WASHC5: variants seen among roughly 807,000 people sequenced by gnomAD.
WASHC5 encodes the protein WASH complex subunit 5.
WASHC5 carries 101 observed loss-of-function variants against 150.4 expected under a neutral mutation model. The ratio of observed to expected loss-of-function variants is 0.67; its 90% CI spans 0.57 to 0.79. WASHC5 has a LOEUF of 0.79. WASHC5 is among the 30% of genes least tolerant of loss of function. The probability of loss-of-function intolerance (pLI) is 0.00; values close to 1 mark genes in which losing one functional copy is unlikely to be tolerated. For synonymous variants in WASHC5, 467 were observed against 491.2 expected (o/e 0.95, Z 0.65); for missense variants, 1,195 against 1,396.3 (o/e 0.86, Z 2.30).
chr8:125,065,613 T>C (rs989889541), intron 10 of WASHC5, among the ~76,000 whole-genome samples: 1 of 150,646 alleles, frequency 6.6e-6, no homozygotes, highest in African/African-American at 2.5e-5. Context: ...GGCATTTCTT[T>C]CATTCCTTTT....
intron 17 of WASHC5, among the ~76,000 whole-genome samples, chr8:125,053,816 A>G (rs982613686): frequency 6.6e-6 from 1 of 152,226 alleles, no homozygotes; most frequent in South Asian, 2.1e-4. Flanking sequence ...GCTACTCACC[A>G]TAACATTCCA....
intron 5 of WASHC5, among the ~76,000 whole-genome samples, chr8:125,081,139 A>G (rs1817246736): frequency 6.6e-6 from 1 of 151,992 alleles, no homozygotes; most frequent in Admixed American, 6.6e-5. Context: ...TATATAGAAT[A>G]CTTGATATGT....
rs117747858 is a variant in WASHC5, at chr8:125,075,305, T to C, written c.865-194A>G. ...GTTCCTGATTGTTAATTCACGTTAA[T>C]AGGTATAAAGATCTCTTTACACCTA... On this transcript the variant is annotated intron_variant, in intron 7 of 28. Transcript: ENST00000318410. Among the ~76,000 whole-genome samples, 1,207 of 152,296 alleles carry C rather than the reference T, an allele frequency of 7.9e-3. 9 individuals carry two copies. Among genetic ancestry groups the C allele is most frequent in the Non-Finnish European group, 8.7e-3 (591 of 67,998 alleles).
chr8:125,051,067 T>A (rs777892131), intron 17 of WASHC5, among the ~76,000 whole-genome samples: 2 of 152,206 alleles, frequency 1.3e-5, no homozygotes, highest in Non-Finnish European at 2.9e-5. Flanking sequence ...CAGATGCATG[T>A]TCTTCCTTTA....
intron 10 of WASHC5, among the ~76,000 whole-genome samples, chr8:125,066,654 AAAGTCCTGC>A (rs1458728498): frequency 2.0e-5 from 3 of 152,218 alleles, no homozygotes; most frequent in Non-Finnish European, 4.4e-5. Flanking sequence ...GATAAAGACC[AAAGTCCTGC>A]AAGGCCTAGT....
rs201394280 is a variant in WASHC5 at position 125,074,148 on chromosome 8, TG to T, written c.979-825del. Among the ~76,000 whole-genome samples, 279 of 152,324 alleles carry T rather than the reference TG, an allele frequency of 1.8e-3. 1 individual carries two copies. Among genetic ancestry groups the T allele is most frequent in the African/African-American group, 6.1e-3 (255 of 41,586 alleles). On this transcript the variant is annotated intron_variant, in intron 8 of 28. Transcript: ENST00000318410. ...ACCTCATCAAGTTAGTTGAAATCTG[TG>T]GTATCAAGAAACCTCTTAAAAATGT... is the stretch of plus-strand genomic sequence containing the variant.
chr8:125,038,803 C>T (rs1815791386), intron 25 of WASHC5, 27 bp downstream of exon 25: 2 of 1,612,848 alleles, frequency 1.2e-6, no homozygotes, highest in Non-Finnish European at 8.5e-7. Flanking sequence ...ACCCCCATCC[C>T]CGCCATTATA....
chr8:125,066,961 C>A (rs1212026019), intron 10 of WASHC5, among the ~76,000 whole-genome samples: 1 of 152,188 alleles, frequency 6.6e-6, no homozygotes, highest in Non-Finnish European at 1.5e-5. Flanking sequence ...ACCTGGAGAA[C>A]TACATTCCTT....
intron 1 of WASHC5, among the ~76,000 whole-genome samples, chr8:125,090,837 T>C (rs888000098): frequency 1.3e-5 from 2 of 152,132 alleles, no homozygotes; most frequent in Non-Finnish European, 1.5e-5. Flanking sequence ...ACAAACAAAA[T>C]ATAACGGTTG....
At chr8:125,029,364 A>G (rs987071293) in intron 27 of WASHC5, among the ~76,000 whole-genome samples, 6 of 152,054 alleles carry the variant, frequency 3.9e-5, no homozygotes, top group Non-Finnish European at 7.4e-5. Flanking sequence ...ACTTCTAGAC[A>G]TTGTTCGAGT....
At chr8:125,061,026 G>T in intron 12 of WASHC5, 56 bp downstream of exon 12, 2 of 898,720 alleles carry the variant, frequency 2.2e-6, no homozygotes, top group Non-Finnish European at 1.9e-6. Context: ...CTGCTGGGTG[G>T]GTCATAAGGT....
At position 125,043,928 on chromosome 8, in the gene WASHC5, C is replaced by G. The variant is rs1210306738; in HGVS notation, c.2771-24G>C. On this transcript the variant is annotated intron_variant, in intron 22 of 28. Coordinates refer to ENST00000318410, the MANE Select transcript of WASHC5 (RefSeq NM_014846.4). ...TGCTGAAAAGTTAAAACATAATTTTCTCTTTAGTACATTCGTAAAGGCTAC... is the reference window on the plus strand; with the variant it reads ...TGCTGAAAAGTTAAAACATAATTTTGTCTTTAGTACATTCGTAAAGGCTAC... The G allele has an allele frequency of 1.9e-6, 3 of 1,600,686 alleles. No homozygotes were observed. In the African/African-American group the frequency reaches 4.0e-5, roughly 22 times the overall value.
At chr8:125,033,772 T>C (rs780166384) in intron 26 of WASHC5, among the ~76,000 whole-genome samples, 4 of 152,126 alleles carry the variant, frequency 2.6e-5, no homozygotes, top group Non-Finnish European at 5.9e-5. Flanking sequence ...GGTCTCAAAC[T>C]CCTGACCTCA....
At chr8:125,034,586 C>T (rs1193210142) in intron 26 of WASHC5, among the ~76,000 whole-genome samples, 1 of 152,132 alleles carries the variant, frequency 6.6e-6, no homozygotes, top group African/African-American at 2.4e-5. Context: ...TATACTCACT[C>T]TTGGTGAGAG....
At chr8:125,069,036 A>G (rs962661476) in intron 9 of WASHC5, among the ~76,000 whole-genome samples, 6 of 152,268 alleles carry the variant, frequency 3.9e-5, no homozygotes, top group Admixed American at 3.9e-4. Context: ...TGCGTCTTCC[A>G]AAAGTTCACA....
chr8:125,073,506 T>C (rs933249812), intron 8 of WASHC5, among the ~76,000 whole-genome samples, 182 bp from the exon 9 acceptor site: 6 of 152,306 alleles, frequency 3.9e-5, no homozygotes, highest in East Asian at 1.9e-4. Flanking sequence ...ACTACAGTTA[T>C]AGGGCTCAAA....
intron 6 of WASHC5, among the ~76,000 whole-genome samples, chr8:125,078,501 A>G (rs1817129450): frequency 6.6e-6 from 1 of 152,184 alleles, no homozygotes; most frequent in Admixed American, 6.5e-5. Context: ...TGAATGACTA[A>G]AAGAATGCAT....
At position 125,024,627 on chromosome 8, in the gene WASHC5, G is replaced by A. The variant is rs766201677; in HGVS notation, c.3470C>T (p.Thr1157Ile). ...VPNFIFDEFR[T>I]VL is the part of the protein sequence containing the mutation. Reference sequence around the variant, plus strand: ...AAGTAGGAAAAACAGTTACAGCACTGTTCTGAACTCATCAAAAATGAAATT... The same window carrying A: ...AAGTAGGAAAAACAGTTACAGCACTATTCTGAACTCATCAAAAATGAAATT... Residue 1157 changes from threonine (T) to isoleucine (I), a missense_variant, in exon 29 of 29, where the codon ACA (threonine) becomes ATA (isoleucine). Thr to Ile is a moderately conservative substitution (Grantham distance 89, BLOSUM62 -1). Transcript: ENST00000318410. The A allele has an allele frequency of 1.9e-6, 3 of 1,609,022 alleles. No individual in the cohort carries two copies. In the South Asian group the frequency reaches 3.3e-5, roughly 18 times the overall value.
At chr8:125,053,620 T>C (rs1224746365) in intron 17 of WASHC5, among the ~76,000 whole-genome samples, 2 of 152,156 alleles carry the variant, frequency 1.3e-5, no homozygotes. Flanking sequence ...GGAAATACCA[T>C]GGTATTTCCT....
Sources: allele counts gnomAD v4.1 joint callset (sites outside exome capture counted in the v4.1 genomes callset), GRCh38; gene constraint gnomAD v4.1.1; transcripts MANE v1.5; gene names NCBI Gene and HGNC (gene_info 2026-07-23, HGNC 2026-07-21).